SRGAP1: variants seen among roughly 807,000 people sequenced by gnomAD.
The protein encoded by SRGAP1 is SLIT-ROBO Rho GTPase activating protein 1.
A neutral mutation model predicts 121.9 loss-of-function variants in SRGAP1; 43 were observed. The ratio of observed to expected loss-of-function variants is 0.35; its 90% CI spans 0.28 to 0.46. The LOEUF is 0.46. Ranked by LOEUF, SRGAP1 falls within the 20% of genes least tolerant of loss-of-function variation. The pLI is 1.00. For synonymous variants in SRGAP1, 447 were observed against 485.4 expected (o/e 0.92, Z 1.04); for missense variants, 1,102 against 1,350.9 (o/e 0.82, Z 2.89).
intron 12 of SRGAP1, among the ~76,000 whole-genome samples, chr12:64,094,047 C>T (rs2136588508): frequency 6.6e-6 from 1 of 152,212 alleles, no homozygotes; most frequent in African/African-American, 2.4e-5. Context: ...CATTTTCGAG[C>T]CCTGTGGTTT....
At chr12:64,053,426 C>G (rs1306021086) in intron 6 of SRGAP1, among the ~76,000 whole-genome samples, 2 of 152,188 alleles carry the variant, frequency 1.3e-5, no homozygotes, top group Admixed American at 6.5e-5. Flanking sequence ...GTTAGTTAAC[C>G]TGGAGTATCA....
intron 3 of SRGAP1, among the ~76,000 whole-genome samples, chr12:64,011,238 C>A (rs917387642): frequency 6.6e-6 from 1 of 151,860 alleles, no homozygotes; most frequent in Non-Finnish European, 1.5e-5. Context: ...AGCCTTTCAA[C>A]AATTTTAATC....
chr12:64,062,938 G>C lies in SRGAP1; in HGVS notation c.823G>C (p.Ala275Pro). Residue 275 changes from alanine (A) to proline (P), a missense_variant, in exon 7 of 22, where the codon GCA becomes CCA. Around this residue, in one of 3 missense-constraint regions of SRGAP1, gnomAD observed 747 missense variants for 929.4 expected, o/e 0.80. Transcript: ENST00000355086. ...TAAGTGCTGTGATCTTGGCTACCAT[G>C]CAAGTCTGAACAGAGCCCTAAGAAC... ...LIDCCDLGYH[A>P]SLNRALRTYL... 1 of 1,612,550 alleles carries C rather than the reference G, an allele frequency of 6.2e-7. No individual in the cohort carries two copies. The highest frequency in any genetic ancestry group is 8.5e-7 in the Non-Finnish European group (1 of 1,179,248).
intron 1 of SRGAP1, among the ~76,000 whole-genome samples, chr12:63,947,236 A>T (rs1343158683): frequency 4.6e-5 from 7 of 152,150 alleles, no homozygotes; most frequent in Admixed American, 3.3e-4. Flanking sequence ...TGATGGTACC[A>T]TTTTACAATT....
intron 1 of SRGAP1, among the ~76,000 whole-genome samples, chr12:63,952,390 C>T (rs1239167207): frequency 6.6e-6 from 1 of 152,040 alleles, no homozygotes; most frequent in East Asian, 1.9e-4. Context: ...GTGGTATGCA[C>T]CTACAGTCTT....
At chr12:64,053,994 A>G (rs914582553) in intron 6 of SRGAP1, among the ~76,000 whole-genome samples, 23 of 152,174 alleles carry the variant, frequency 1.5e-4, no homozygotes, top group African/African-American at 5.3e-4. Context: ...TTAAAATTGC[A>G]TTACTGATAA....
In SRGAP1 at chr12:63,852,640, T is replaced by C. The variant is rs530634853; in HGVS notation, c.67+7757T>C. Among the ~76,000 whole-genome samples, 3 of 152,356 alleles carry C rather than the reference T, an allele frequency of 2.0e-5. No homozygotes were observed. The East Asian group carries it at 5.8e-4, about 29-fold the overall frequency. ...ACTTTTGTTTTAAATTGTCTCTACC[T>C]CTGTTCAGTGATGCTGTATGGAAAA... On this transcript the variant is annotated intron_variant, in intron 1 of 21. Transcript: ENST00000355086.
At chr12:64,036,991 G>A (rs1167561667) in intron 4 of SRGAP1, among the ~76,000 whole-genome samples, 1 of 152,206 alleles carries the variant, frequency 6.6e-6, no homozygotes, top group Non-Finnish European at 1.5e-5. Flanking sequence ...GCTATGTGCT[G>A]AAGACTCTGA....
chr12:64,095,104 T>G (rs532375648), intron 13 of SRGAP1, 23 bp from the exon 14 acceptor site: 1 of 1,613,374 alleles, frequency 6.2e-7, no homozygotes, highest in Admixed American at 1.7e-5. Context: ...GGTTTTATCC[T>G]CTTTCCCTTC....
rs11614519 is a variant in SRGAP1 at position 63,908,003 on chromosome 12, G to A, written c.67+63120G>A. Among the ~76,000 whole-genome samples, 937 of 152,242 alleles carry A rather than the reference G, an allele frequency of 6.2e-3. 10 individuals carry two copies. The highest frequency in any genetic ancestry group is 0.011 in the Admixed American group (164 of 15,294). ...ATCGTGCTATCCCTGTTGAAAATCAGTTAACCATAAGTGTGAGAGTTTATT... is the reference window on the plus strand; with the variant it reads ...ATCGTGCTATCCCTGTTGAAAATCAATTAACCATAAGTGTGAGAGTTTATT... On this transcript the variant is annotated intron_variant, in intron 1 of 21. Transcript: ENST00000355086.
chr12:63,999,435 A>C (rs1023977486), intron 3 of SRGAP1, among the ~76,000 whole-genome samples: 3 of 152,194 alleles, frequency 2.0e-5, no homozygotes, highest in African/African-American at 7.2e-5. Flanking sequence ...TCTTGGAACT[A>C]ATCCAGATGA....
At chr12:64,011,048 T>A (rs751295375) in intron 3 of SRGAP1, among the ~76,000 whole-genome samples, 38 of 151,866 alleles carry the variant, frequency 2.5e-4, no homozygotes, top group Non-Finnish European at 4.4e-4. Flanking sequence ...AGGGAGAGTC[T>A]AGGAAAGAGG....
rs74431779 is a variant in SRGAP1, at chr12:63,910,783, A to G, written c.67+65900A>G. 6.7e-3 allele frequency among the ~76,000 whole-genome samples: 1,022 copies of G among 152,298 alleles called. 5 individuals are homozygous for G. The highest frequency in any genetic ancestry group is 0.023 in the African/African-American group (967 of 41,550). On this transcript the variant is annotated intron_variant, in intron 1 of 21. Coordinates refer to ENST00000355086, the MANE Select transcript of SRGAP1 (RefSeq NM_020762.4). ...TTCACTACTGGTGATGGTAAAACCA[A>G]TATAATATGTTGTCTTTAAGGGACA...
At chr12:64,108,519 A>G (rs1420991611) in intron 15 of SRGAP1, among the ~76,000 whole-genome samples, 6 of 152,254 alleles carry the variant, frequency 3.9e-5, no homozygotes, top group Non-Finnish European at 5.9e-5. Context: ...CATTGCCTGG[A>G]TCATAATTAT....
At chr12:64,084,741 T>C (rs1283076386) in intron 10 of SRGAP1, among the ~76,000 whole-genome samples, 1 of 152,188 alleles carries the variant, frequency 6.6e-6, no homozygotes, top group Non-Finnish European at 1.5e-5. Flanking sequence ...ATCTAGGGAA[T>C]AATTTGTTAG....
At chr12:63,908,157 C>G (rs1017313270) in intron 1 of SRGAP1, among the ~76,000 whole-genome samples, 1 of 150,956 alleles carries the variant, frequency 6.6e-6, no homozygotes, top group Non-Finnish European at 1.5e-5. Flanking sequence ...TAACTTTGTT[C>G]TTTTCAAGAT....
chr12:63,858,183 GGTGTGT>G (rs34390447), intron 1 of SRGAP1, among the ~76,000 whole-genome samples: 5 of 149,314 alleles, frequency 3.3e-5, no homozygotes, highest in Non-Finnish European at 5.9e-5. Context: ...TTTTGTGTGT[GGTGTGT>G]GTGTGTGTGT....
chr12:63,955,720 AC>A (rs1336209880), intron 1 of SRGAP1, among the ~76,000 whole-genome samples: 2 of 152,136 alleles, frequency 1.3e-5, no homozygotes, highest in African/African-American at 4.8e-5. Flanking sequence ...AAAAAAAAAA[AC>A]AAGCTTTTGA....
intron 1 of SRGAP1, among the ~76,000 whole-genome samples, chr12:63,929,218 C>G (rs1375250588): frequency 1.3e-5 from 2 of 152,276 alleles, no homozygotes; most frequent in Admixed American, 1.3e-4. Flanking sequence ...AATTTGGAGC[C>G]AAATGCAAAT....
Sources: gnomAD v4.1 joint callset for allele counts (sites outside exome capture counted in the v4.1 genomes callset) on GRCh38, gnomAD v4.1.1 for gene constraint, gnomAD v4.1.1 regional missense constraint, MANE v1.5 for transcripts, NCBI Gene and HGNC (gene_info 2026-07-23, HGNC 2026-07-21) for gene names.